The following DSCAM variants were observed in gnomAD, a reference collection of about 807,000 sequenced individuals.
DSCAM encodes DS cell adhesion molecule.
Under a neutral mutation model 217.7 loss-of-function variants are expected in DSCAM, and 47 were observed. The observed-to-expected ratio is 0.22, with a 90% CI of 0.17 to 0.28. The LOEUF (loss-of-function observed/expected upper bound fraction) is 0.28, where lower values mean the gene tolerates loss of function less well. Among genes scored for constraint, DSCAM ranks in the 10% least tolerant of loss-of-function variants. The pLI is 1.00. For missense variants in DSCAM, 2,080 were observed against 2,618.3 expected, an observed-to-expected ratio of 0.79 and a Z score of 4.49; for synonymous variants, 1,056 against 1,015.3, an observed-to-expected ratio of 1.04 and a Z score of -0.76.
rs151040094 is a variant in DSCAM, at chr21:40,124,722, A to G, written c.3563-394T>C. Among the ~76,000 whole-genome samples the G allele has an allele frequency of 4.2e-3, 641 of 152,240 alleles. 8 individuals are homozygous for G. The highest frequency in any genetic ancestry group is 0.015 in the African/African-American group (609 of 41,548). On this transcript the variant is annotated intron_variant, in intron 19 of 32. Transcript: ENST00000400454. ...AAGCCCAGGACAGATGCTTGTCTCAAAGCTCTTAAAGAGAACCAGCCCTGC... is the reference window on the plus strand; with the variant it reads ...AAGCCCAGGACAGATGCTTGTCTCAGAGCTCTTAAAGAGAACCAGCCCTGC...
intron 3 of DSCAM, among the ~76,000 whole-genome samples, chr21:40,388,645 C>A (rs1438983275): frequency 6.6e-6 from 1 of 152,070 alleles, no homozygotes; most frequent in Non-Finnish European, 1.5e-5. Flanking sequence ...TTTAAACCCC[C>A]CCTCCTCCAC....
intron 1 of DSCAM, among the ~76,000 whole-genome samples, chr21:40,747,538 A>G (rs1161365649): frequency 6.6e-6 from 1 of 151,880 alleles, no homozygotes; most frequent in Non-Finnish European, 1.5e-5. Flanking sequence ...ACCAATAATG[A>G]ATAACCATAT....
chr21:40,677,222 ATGTGTGCAT>A lies in DSCAM; in HGVS notation c.508+15579_508+15587del, dbSNP rs1568978643. 3.3e-5 allele frequency among the ~76,000 whole-genome samples: 5 copies of A among 151,950 alleles called. No individual in the cohort carries two copies. The South Asian group carries it at 1.0e-3, about 32-fold the overall frequency. On this transcript the variant is annotated intron_variant, in intron 3 of 32. Transcript: ENST00000400454. ...AATGGGCATAGGAGGATAAAAAAAA[ATGTGTGCAT>A]AAAAAGAAGCAGAGGAAACCAGGAC... is the stretch of plus-strand genomic sequence containing the variant.
At chr21:40,615,263 CAGAG>C (rs2089374184) in intron 3 of DSCAM, 1 of 114,854 alleles carries the variant, frequency 8.7e-6, no homozygotes, top group South Asian at 2.8e-4. Flanking sequence ...GTCTGGGCGA[CAGAG>C]AGAGACTCTG....
intron 27 of DSCAM, among the ~76,000 whole-genome samples, chr21:40,065,609 G>C (rs1157531518): frequency 6.6e-6 from 1 of 152,114 alleles, no homozygotes; most frequent in East Asian, 1.9e-4. Context: ...CCACGGTTGG[G>C]GTCGGTGCTC....
chr21:40,202,512 C>T (rs2091080961), intron 11 of DSCAM, among the ~76,000 whole-genome samples: 1 of 152,182 alleles, frequency 6.6e-6, no homozygotes, highest in Non-Finnish European at 1.5e-5. Flanking sequence ...TTGAACAAGT[C>T]CTTCGGCCTC....
intron 3 of DSCAM, among the ~76,000 whole-genome samples, chr21:40,607,708 T>G (rs2146272536): frequency 6.6e-6 from 1 of 152,236 alleles, no homozygotes; most frequent in East Asian, 1.9e-4. Flanking sequence ...GCTCTCATTC[T>G]CTCTTGCCTG....
chr21:40,075,569 G>T (rs998339558), intron 26 of DSCAM, among the ~76,000 whole-genome samples: 2 of 152,188 alleles, frequency 1.3e-5, no homozygotes, highest in Non-Finnish European at 2.9e-5. Flanking sequence ...ACAATTGATA[G>T]AGACTATTCG....
At chr21:40,645,813 A>T (rs1205585691) in intron 3 of DSCAM, among the ~76,000 whole-genome samples, 1 of 152,216 alleles carries the variant, frequency 6.6e-6, no homozygotes, top group Non-Finnish European at 1.5e-5. Context: ...AGAAAAATGG[A>T]AAAATTGAGC....
chr21:40,213,546 G>C (rs1305181426), intron 11 of DSCAM, among the ~76,000 whole-genome samples: 1 of 152,210 alleles, frequency 6.6e-6, no homozygotes, highest in Non-Finnish European at 1.5e-5. Flanking sequence ...AGCAACACAT[G>C]ATTGTAGAAA....
At chr21:40,541,370 T>C (rs1021532047) in intron 3 of DSCAM, among the ~76,000 whole-genome samples, 1 of 152,208 alleles carries the variant, frequency 6.6e-6, no homozygotes, top group Non-Finnish European at 1.5e-5. Context: ...AAGTGCGTGC[T>C]AGTAAGCATC....
At chr21:40,752,017 A>G (rs1420311807) in intron 1 of DSCAM, among the ~76,000 whole-genome samples, 2 of 152,156 alleles carry the variant, frequency 1.3e-5, no homozygotes, top group Non-Finnish European at 2.9e-5. Flanking sequence ...TGTTAGCTCT[A>G]TAGCCCAACT....
chr21:40,610,440 G>C (rs2089297654), intron 3 of DSCAM, among the ~76,000 whole-genome samples: 1 of 152,228 alleles, frequency 6.6e-6, no homozygotes, highest in Non-Finnish European at 1.5e-5. Flanking sequence ...CCATGACCCT[G>C]GGGCTGGCAA....
At chr21:40,485,692 T>C (rs998319142) in intron 3 of DSCAM, among the ~76,000 whole-genome samples, 2 of 152,164 alleles carry the variant, frequency 1.3e-5, no homozygotes, top group Non-Finnish European at 2.9e-5. Flanking sequence ...TAGAACAATT[T>C]AGATGTTACT....
chr21:40,846,717 TC>T lies in DSCAM; in HGVS notation c.-57del. ...GACGCGCCGGCCTCGCCCCCCGCGC[TC>T]CGCCCGGCCCGGCTCCGCTCGCCGC... On this transcript the variant is annotated 5_prime_UTR_variant, in exon 1 of 33. Transcript: ENST00000400454. 1.2e-6 allele frequency: 1 copy of T among 869,314 alleles called. No individual in the cohort carries two copies. The highest frequency in any genetic ancestry group is 1.4e-6 in the Non-Finnish European group (1 of 707,430). 53.9% of individuals were successfully genotyped at this position (869,314 alleles called of 1,614,324 possible). A position where few individuals can be genotyped will look rare whatever the true frequency, so the allele number is the denominator to read the frequency against.
chr21:40,735,584 T>C (rs901612841), intron 1 of DSCAM, among the ~76,000 whole-genome samples: 13 of 152,180 alleles, frequency 8.5e-5, no homozygotes, highest in African/African-American at 2.9e-4. Flanking sequence ...TGCTAAGAGA[T>C]TTGAAATGTC....
At chr21:40,468,088 C>G (rs780150027) in intron 3 of DSCAM, among the ~76,000 whole-genome samples, 1 of 152,198 alleles carries the variant, frequency 6.6e-6, no homozygotes, top group Non-Finnish European at 1.5e-5. Context: ...GGACGAAGGA[C>G]AGAACTCAGT....
At chr21:40,148,248 G>A (rs536330610) in intron 16 of DSCAM, among the ~76,000 whole-genome samples, 5 of 151,982 alleles carry the variant, frequency 3.3e-5, no homozygotes, top group African/African-American at 1.2e-4. Context: ...ATAAATTGTT[G>A]CACCTGAGGA....
intron 3 of DSCAM, among the ~76,000 whole-genome samples, chr21:40,402,048 C>CTTTTTT (rs1569105527): frequency 2.0e-5 from 2 of 100,120 alleles, no homozygotes; most frequent in African/African-American, 6.7e-5. Flanking sequence ...TATTCTTATT[C>CTTTTTT]CTTTTTTTTT....
Sources: gnomAD v4.1 joint callset for allele counts (sites outside exome capture counted in the v4.1 genomes callset) on GRCh38, gnomAD v4.1.1 for gene constraint, MANE v1.5 for transcripts, NCBI Gene and HGNC (gene_info 2026-07-23, HGNC 2026-07-21) for gene names.